The following SEMA6D variants were observed in gnomAD, a reference collection of about 807,000 sequenced individuals.
The protein encoded by SEMA6D is semaphorin-6D.
A neutral mutation model predicts 106.6 loss-of-function variants in SEMA6D; 35 were observed. The observed-to-expected ratio is 0.33, with a 90% CI of 0.25 to 0.44. SEMA6D has a LOEUF of 0.44. Ranked by LOEUF, SEMA6D falls within the 20% of genes least tolerant of loss-of-function variation. The pLI is 1.00. For missense variants in SEMA6D, 1,185 were observed against 1,345.9 expected, an observed-to-expected ratio of 0.88 and a Z score of 1.87; for synonymous variants, 499 against 487.7, an observed-to-expected ratio of 1.02 and a Z score of -0.31.
At chr15:47,737,092 G>A (rs2080488329) in intron 1 of SEMA6D, among the ~76,000 whole-genome samples, 1 of 152,124 alleles carries the variant, frequency 6.6e-6, no homozygotes, top group African/African-American at 2.4e-5. Flanking sequence ...GGAAAAAGTA[G>A]GAGGTAAGAA....
intron 1 of SEMA6D, among the ~76,000 whole-genome samples, chr15:47,729,142 A>G (rs2146602282): frequency 6.6e-6 from 1 of 152,334 alleles, no homozygotes; most frequent in East Asian, 1.9e-4. Context: ...ATTACTCACT[A>G]TAAACCCTTC....
chr15:47,269,502 T>A (rs1306540096), intron 1 of SEMA6D, among the ~76,000 whole-genome samples: 1 of 152,168 alleles, frequency 6.6e-6, no homozygotes, highest in Non-Finnish European at 1.5e-5. Flanking sequence ...TACACTGTTT[T>A]ATCTTACTGT....
intron 1 of SEMA6D, among the ~76,000 whole-genome samples, chr15:47,338,153 A>T (rs2037649450): frequency 6.6e-6 from 1 of 152,208 alleles, no homozygotes; most frequent in Non-Finnish European, 1.5e-5. Flanking sequence ...AGCAATTAAA[A>T]TGTCCCTTCC....
At chr15:47,754,918 G>A (rs12101594) in intron 1 of SEMA6D, among the ~76,000 whole-genome samples, 31,959 of 150,990 alleles carry the variant, frequency 0.21, 3,824 homozygotes, top group Non-Finnish European at 0.26. Flanking sequence ...CATCTATTAA[G>A]AAGATGTGTT....
At chr15:47,463,890 G>A (rs1044863490) in intron 2 of SEMA6D, among the ~76,000 whole-genome samples, 12 of 152,144 alleles carry the variant, frequency 7.9e-5, no homozygotes, top group South Asian at 2.1e-4. Flanking sequence ...TTGTGGCTGC[G>A]TTACTCCAAT....
chr15:47,295,081 C>G (rs1260458252), intron 1 of SEMA6D, among the ~76,000 whole-genome samples: 3 of 152,154 alleles, frequency 2.0e-5, no homozygotes, highest in South Asian at 2.1e-4. Flanking sequence ...CAAGAGGGGG[C>G]ATCAGGTTTG....
intron 1 of SEMA6D, among the ~76,000 whole-genome samples, chr15:47,325,170 G>GT (rs2037080667): frequency 7.1e-6 from 1 of 141,548 alleles, no homozygotes; most frequent in East Asian, 2.1e-4. Flanking sequence ...TTTTTTTTTT[G>GT]TTTTTTGTTT....
At chr15:47,632,706 A>AT (rs911762810) in intron 4 of SEMA6D, among the ~76,000 whole-genome samples, 2 of 151,812 alleles carry the variant, frequency 1.3e-5, no homozygotes, top group Admixed American at 6.6e-5. Flanking sequence ...TAGTTAAGTC[A>AT]TTTTTTTCCT....
intron 1 of SEMA6D, among the ~76,000 whole-genome samples, chr15:47,301,920 T>A (rs1484924277): frequency 6.6e-6 from 1 of 152,154 alleles, no homozygotes; most frequent in African/African-American, 2.4e-5. Flanking sequence ...GACTAACCTG[T>A]GTAGAAAATA....
intron 4 of SEMA6D, among the ~76,000 whole-genome samples, chr15:47,702,848 AG>A (rs1211456648): frequency 6.6e-6 from 1 of 152,152 alleles, no homozygotes; most frequent in Non-Finnish European, 1.5e-5. Flanking sequence ...AGGGGTTGAG[AG>A]GGGAAAAAAG....
chr15:47,519,399 G>T (rs1030567030), intron 3 of SEMA6D, among the ~76,000 whole-genome samples: 2 of 152,122 alleles, frequency 1.3e-5, no homozygotes, highest in African/African-American at 4.8e-5. Context: ...CATATATGCA[G>T]TCCATCATTG....
intron 3 of SEMA6D, among the ~76,000 whole-genome samples, chr15:47,488,521 T>C (rs938105053): frequency 2.0e-5 from 3 of 152,114 alleles, no homozygotes; most frequent in African/African-American, 7.2e-5. Flanking sequence ...GTATGTACTA[T>C]GAGATATTTA....
chr15:47,457,538 A>G (rs1421383838), intron 2 of SEMA6D, among the ~76,000 whole-genome samples: 1 of 151,962 alleles, frequency 6.6e-6, no homozygotes, highest in East Asian at 1.9e-4. Context: ...TGTAGAGATA[A>G]AATATAACTG....
chr15:47,379,240 C>T (rs1297781390), intron 1 of SEMA6D, among the ~76,000 whole-genome samples: 1 of 152,148 alleles, frequency 6.6e-6, no homozygotes, highest in Non-Finnish European at 1.5e-5. Flanking sequence ...CTTGAGGGAG[C>T]TGCTTATGCC....
chr15:47,762,188 C>T lies in SEMA6D; in HGVS notation c.539-12C>T, dbSNP rs2082095692. 1.2e-6 allele frequency: 2 copies of T among 1,613,410 alleles called. No homozygotes were observed. ...TATGGTTATCTTACCAAAATTATAC[C>T]TTTGGTTTCAGATGGGAAGCTGTAT... On this transcript the variant is annotated splice_polypyrimidine_tract_variant and intron_variant, in intron 7 of 18. Transcript: ENST00000536845.
chr15:47,389,788 G>A (rs1567045802), intron 1 of SEMA6D, among the ~76,000 whole-genome samples: 2 of 152,160 alleles, frequency 1.3e-5, no homozygotes, highest in Non-Finnish European at 2.9e-5. Context: ...CTCTGTGTAT[G>A]TAACTCATTA....
Position 47,771,931 on chromosome 15 carries a change from C to T in SEMA6D, c.*146C>T. The T allele has an allele frequency of 2.5e-6, 2 of 795,298 alleles. No individual in the cohort carries two copies. The highest frequency in any genetic ancestry group is 2.6e-5 in the East Asian group (1 of 38,922). The allele number at this position is 795,298 out of a possible 1,614,324, so 49.3% of individuals were successfully genotyped here. On this transcript the variant is annotated 3_prime_UTR_variant, in exon 19 of 19. Transcript: ENST00000536845. ...AAACTCTTTCTAACTTTGGCAACATCAGAACTTGCCACATGTAGCTACTGC... is the reference window on the plus strand; with the variant it reads ...AAACTCTTTCTAACTTTGGCAACATTAGAACTTGCCACATGTAGCTACTGC...
At chr15:47,598,662 G>A (rs1310283089) in intron 3 of SEMA6D, among the ~76,000 whole-genome samples, 2 of 152,074 alleles carry the variant, frequency 1.3e-5, no homozygotes, top group Non-Finnish European at 2.9e-5. Flanking sequence ...AGTCTTTCCA[G>A]CTGTAAGTGG....
Position 47,686,258 on chromosome 15 carries a change from GAA to G in SEMA6D, c.-54-73478_-54-73477del, listed in dbSNP as rs943418362. ...ACTAAGTCATGAATTAAGGCAAAAA[GAA>G]AAAAAAAACTTTAAATATTTAGATG... On this transcript the variant is annotated intron_variant, in intron 4 of 19. Transcript: ENST00000558014. Among the ~76,000 whole-genome samples, 3 of 147,854 alleles carry G rather than the reference GAA, an allele frequency of 2.0e-5. No homozygotes were observed. The South Asian group carries it at 6.4e-4, about 32-fold the overall frequency.
Sources: allele counts gnomAD v4.1 joint callset (sites outside exome capture counted in the v4.1 genomes callset), GRCh38; gene constraint gnomAD v4.1.1; transcripts MANE v1.5; gene names NCBI Gene and HGNC (gene_info 2026-07-23, HGNC 2026-07-21).